Variants in LCA5L observed in about 807,000 individuals in gnomAD.
LCA5L encodes lebercilin-like protein.
LCA5L carries 35 observed loss-of-function variants against 45.4 expected under a neutral mutation model. The ratio of observed to expected loss-of-function variants is 0.77; its 90% CI spans 0.59 to 1.02. LCA5L has a LOEUF of 1.02. Ranked by LOEUF, LCA5L falls within the 50% of genes least tolerant of loss-of-function variation. LCA5L has a pLI of 0.00. For synonymous variants in LCA5L, 233 were observed against 264.7 expected (o/e 0.88, Z 1.16); for missense variants, 668 against 761.6 (o/e 0.88, Z 1.45).
At chr21:39,430,710 G>C (rs1179648565) in intron 3 of LCA5L, among the ~76,000 whole-genome samples, 1 of 152,128 alleles carries the variant, frequency 6.6e-6, no homozygotes, top group African/African-American at 2.4e-5. Context: ...TAAGCTGCTT[G>C]CTCCGTGGGC....
intron 8 of LCA5L, 45 bp from the exon 9 acceptor site, chr21:39,410,412 G>T: frequency 1.0e-6 from 1 of 976,426 alleles, no homozygotes; most frequent in African/African-American, 1.6e-5. Context: ...TTTTACATTT[G>T]GATACAATAT....
intron 3 of LCA5L, among the ~76,000 whole-genome samples, chr21:39,433,793 C>G (rs1331728497): frequency 1.5e-5 from 2 of 136,170 alleles, no homozygotes; most frequent in Admixed American, 7.5e-5. Context: ...GAGAGAGGGT[C>G]TTCTTCTATT....
At chr21:39,415,334 G>C (rs2040941994) in intron 7 of LCA5L, among the ~76,000 whole-genome samples, 1 of 152,078 alleles carries the variant, frequency 6.6e-6, no homozygotes, top group Non-Finnish European at 1.5e-5. Context: ...AATTTCAAAA[G>C]CATTTTTCCC....
At chr21:39,414,738 C>CTG (rs763309098) in intron 7 of LCA5L, among the ~76,000 whole-genome samples, 20,486 of 105,788 alleles carry the variant, frequency 0.19, 1,892 homozygotes, top group South Asian at 0.26. Context: ...CTCTCTCTCT[C>CTG]TCTCTGTGTG....
At chr21:39,422,852 T>C (rs2073998848) in intron 6 of LCA5L, 124 bp downstream of exon 6, 1 of 884,566 alleles carries the variant, frequency 1.1e-6, no homozygotes, top group South Asian at 1.7e-5. Flanking sequence ...AATTATTTAG[T>C]GCAGCACGCC....
chr21:39,437,001 G>T (rs955674831), intron 2 of LCA5L, among the ~76,000 whole-genome samples: 1 of 152,180 alleles, frequency 6.6e-6, no homozygotes, highest in Non-Finnish European at 1.5e-5. Flanking sequence ...CACAAGGCAT[G>T]CATTCTGGCT....
chr21:39,438,780 T>TAAA (rs2076528779), intron 2 of LCA5L: 2 of 139,962 alleles, frequency 1.4e-5, no homozygotes, highest in Non-Finnish European at 3.1e-5. Flanking sequence ...ATAACTGTGA[T>TAAA]GAATACTGAT....
intron 5 of LCA5L, among the ~76,000 whole-genome samples, chr21:39,425,577 C>T (rs912941132): frequency 2.6e-5 from 4 of 152,108 alleles, no homozygotes; most frequent in South Asian, 2.1e-4. Flanking sequence ...AGAAGGCCTG[C>T]GAAGAGGTGT....
At chr21:39,433,677 T>C (rs953480056) in intron 3 of LCA5L, among the ~76,000 whole-genome samples, 2 of 152,130 alleles carry the variant, frequency 1.3e-5, no homozygotes, top group African/African-American at 2.4e-5. Flanking sequence ...GATATTCATA[T>C]GTTGATCTAT....
rs773974330 is a variant in LCA5L, at chr21:39,428,220, C to G, written c.274G>C (p.Glu92Gln). The G allele has an allele frequency of 1.0e-5, 16 of 1,601,024 alleles. No individual in the cohort carries two copies. The East Asian group carries it at 3.6e-4, about 36-fold the overall frequency. Reference protein sequence around the residue: ...RNYLKQPVVKEKEKKKYNVSK... With the variant: ...RNYLKQPVVKQKEKKKYNVSK... ...ACATTATACTTTTTCTTCTCCTTTT[C>G]TTTTACCACAGGCTGCTTTAAATAA... The change falls in exon 5 of 11, where the codon GAA (glutamate) becomes CAA (glutamine). Residue 92 changes from glutamate to glutamine, a missense_variant. Glu to Gln is a conservative substitution (Grantham distance 29). Transcript: ENST00000288350.
Position 39,406,484 on chromosome 21 carries a change from TTGG to T in LCA5L, c.1408_1410del (p.Pro470del). On this transcript the variant is annotated inframe_deletion, in exon 11 of 11. Transcript: ENST00000288350. ...TCAGGATGAATAACTTCAATTATTTTTGGTGGTAGTTCTTGCTCTTCTTTCACA... is the reference window on the plus strand; with the variant it reads ...TCAGGATGAATAACTTCAATTATTTTTGGTAGTTCTTGCTCTTCTTTCACA... 2 of 1,613,978 alleles carry T rather than the reference TTGG, an allele frequency of 1.2e-6. No individual in the cohort carries two copies. The highest frequency in any genetic ancestry group is 1.7e-6 in the Non-Finnish European group (2 of 1,179,988).
At chr21:39,412,218 G>A (rs367978499) in intron 7 of LCA5L, among the ~76,000 whole-genome samples, 3 of 152,178 alleles carry the variant, frequency 2.0e-5, no homozygotes, top group East Asian at 3.9e-4. Context: ...CAGCAGCTGT[G>A]TGTGACTAGT....
chr21:39,415,722 A>G (rs995636493), intron 7 of LCA5L, among the ~76,000 whole-genome samples: 26 of 152,228 alleles, frequency 1.7e-4, no homozygotes, highest in African/African-American at 6.0e-4. Context: ...ACTGATTAAT[A>G]TATCTCTTAC....
chr21:39,434,431 A>G (rs1232868015), intron 3 of LCA5L, among the ~76,000 whole-genome samples: 2 of 152,192 alleles, frequency 1.3e-5, no homozygotes, highest in African/African-American at 2.4e-5. Context: ...ACACTTCTCT[A>G]TTGTTATCAA....
chr21:39,443,749 T>G (rs186824489), intron 2 of LCA5L: 1 of 152,344 alleles, frequency 6.6e-6, no homozygotes, highest in Non-Finnish European at 1.5e-5. Context: ...GTGGCAAGGG[T>G]AGGGCCGGGC....
intron 5 of LCA5L, among the ~76,000 whole-genome samples, chr21:39,426,807 G>A (rs1430691069): frequency 1.3e-5 from 2 of 152,240 alleles, no homozygotes; most frequent in African/African-American, 4.8e-5. Context: ...AGGCATGAGA[G>A]AAGTACTGGA....
At position 39,411,756 on chromosome 21, in the gene LCA5L, A is replaced by G. The variant is rs1432218784; in HGVS notation, c.1022T>C (p.Ile341Thr). Residue 341 changes from isoleucine to threonine, a missense_variant, in exon 8 of 11, where the codon ATA (isoleucine) becomes ACA (threonine). Coordinates refer to ENST00000288350, the MANE Select transcript of LCA5L (RefSeq NM_152505.4). ...LEIKNIYSHR[I>T]LKNLHDTEDY... ...CTCTGTGTCATGTAAATTTTTAAGTATTCGATGACTATAGATGTTTTTAAT... is the reference window on the plus strand; with the variant it reads ...CTCTGTGTCATGTAAATTTTTAAGTGTTCGATGACTATAGATGTTTTTAAT... The G allele has an allele frequency of 6.3e-7, 1 of 1,590,106 alleles. No homozygotes were observed. Among genetic ancestry groups the G allele is most frequent in the African/African-American group, 1.3e-5 (1 of 74,346 alleles).
intron 5 of LCA5L, among the ~76,000 whole-genome samples, chr21:39,427,017 A>G (rs1346766940): frequency 6.6e-6 from 1 of 152,184 alleles, no homozygotes; most frequent in East Asian, 1.9e-4. Flanking sequence ...TCCCTGTGCT[A>G]TAGCAGGGGA....
Position 39,423,229 on chromosome 21 carries a change from T to C in LCA5L, c.584A>G (p.Asn195Ser), listed in dbSNP as rs1054492099. 4 of 1,610,946 alleles carry C rather than the reference T, an allele frequency of 2.5e-6. No homozygotes were observed. The African/African-American group carries it at 5.4e-5, about 22-fold the overall frequency. Residue 195 changes from asparagine to serine, a missense_variant, in exon 6 of 11, where the codon AAT (asparagine) becomes AGT (serine). By Grantham distance (46) the Asn-to-Ser change is conservative (BLOSUM62 1). Coordinates refer to ENST00000288350, the MANE Select transcript of LCA5L (RefSeq NM_152505.4). Reference protein sequence around the residue: ...AIGKYENSQNNLPQIMAKHQN... With the variant: ...AIGKYENSQNSLPQIMAKHQN... Reference sequence around the variant, plus strand: ...ATGTTTAGCCATAATTTGAGGTAGATTATTTTGTGAATTCTCATATTTTCC... The same window carrying C: ...ATGTTTAGCCATAATTTGAGGTAGACTATTTTGTGAATTCTCATATTTTCC...
Sources: allele counts gnomAD v4.1 joint callset (sites outside exome capture counted in the v4.1 genomes callset), GRCh38; gene constraint gnomAD v4.1.1; transcripts MANE v1.5; gene names NCBI Gene and HGNC (gene_info 2026-07-23, HGNC 2026-07-21).